Variants in GALNT17 observed in about 807,000 individuals in gnomAD.
GALNT17 encodes polypeptide N-acetylgalactosaminyltransferase 17.
In GALNT17, 29 loss-of-function variants were observed where a neutral mutation model predicts 63.7. The observed-to-expected ratio is 0.46, with a 90% CI of 0.34 to 0.62. The LOEUF (loss-of-function observed/expected upper bound fraction) is 0.62, where lower values mean the gene tolerates loss of function less well. GALNT17 is among the 20% of genes least tolerant of loss of function. The probability of loss-of-function intolerance (pLI) is 0.01; values close to 1 mark genes in which losing one functional copy is unlikely to be tolerated. For synonymous variants in GALNT17, 305 were observed against 318.3 expected (o/e 0.96, Z 0.45); for missense variants, 603 against 799.6 (o/e 0.75, Z 2.97).
intron 1 of GALNT17, among the ~76,000 whole-genome samples, chr7:71,150,722 G>A (rs867627528): frequency 1.8e-4 from 28 of 151,938 alleles, no homozygotes; most frequent in Admixed American, 8.5e-4. Context: ...ATGTTAGCCA[G>A]GATGGTCTCG....
intron 1 of GALNT17, among the ~76,000 whole-genome samples, chr7:71,152,725 C>T (rs1350937812): frequency 2.0e-5 from 3 of 152,028 alleles, no homozygotes; most frequent in Non-Finnish European, 2.9e-5. Flanking sequence ...CTCTGCCTCC[C>T]AGGTTCAAGT....
intron 1 of GALNT17, among the ~76,000 whole-genome samples, chr7:71,232,359 A>G (rs1243658211): frequency 6.6e-6 from 1 of 152,116 alleles, no homozygotes; most frequent in Non-Finnish European, 1.5e-5. Context: ...GGTCAGGGTC[A>G]GTGGGGGTGG....
intron 5 of GALNT17, among the ~76,000 whole-genome samples, chr7:71,484,797 A>ATTTTTTTTTTTTTTT (rs386410414): frequency 9.3e-6 from 1 of 107,364 alleles, no homozygotes; most frequent in East Asian, 2.8e-4. Context: ...CAGCATCAGG[A>ATTTTTTTTTTTTTTT]TTTTTTTTTT....
chr7:71,625,252 C>G (rs1212290579), intron 6 of GALNT17, among the ~76,000 whole-genome samples: 1 of 152,110 alleles, frequency 6.6e-6, no homozygotes, highest in East Asian at 1.9e-4. Context: ...TCAAGCAGTT[C>G]CCCTGACTCA....
At chr7:71,297,577 T>G (rs1445593680) in intron 1 of GALNT17, among the ~76,000 whole-genome samples, 1 of 148,262 alleles carries the variant, frequency 6.7e-6, no homozygotes, top group Non-Finnish European at 1.5e-5. Flanking sequence ...TGCAGTGAGC[T>G]GAGAGCATGG....
At chr7:71,138,199 A>G (rs1234539901) in intron 1 of GALNT17, among the ~76,000 whole-genome samples, 2 of 152,156 alleles carry the variant, frequency 1.3e-5, no homozygotes, top group East Asian at 1.9e-4. Context: ...TCAGCTGGGC[A>G]TGGTGGTGCA....
At chr7:71,455,675 C>T (rs1174315949) in intron 5 of GALNT17, among the ~76,000 whole-genome samples, 2 of 152,166 alleles carry the variant, frequency 1.3e-5, no homozygotes, top group African/African-American at 4.8e-5. Context: ...CTCTCATGCT[C>T]ATAGTCCACA....
intron 2 of GALNT17, among the ~76,000 whole-genome samples, chr7:71,352,624 T>G (rs900697618): frequency 1.7e-4 from 26 of 152,040 alleles, no homozygotes; most frequent in Admixed American, 7.9e-4. Flanking sequence ...GAGAGAGAGA[T>G]AGGGGTTGGG....
intron 5 of GALNT17, among the ~76,000 whole-genome samples, chr7:71,525,507 A>T (rs1456205845): frequency 6.6e-6 from 1 of 151,298 alleles, no homozygotes; most frequent in Non-Finnish European, 1.5e-5. Context: ...CACCCGGCCA[A>T]CTGTTCTTGT....
rs1273868432 is a variant in GALNT17, at chr7:71,416,005, G to A, written c.706G>A (p.Val236Met). ...LIRARIEGWK[V>M]ATGQVTGFFD... ...CCGCGCTCGCATTGAGGGCTGGAAG[G>A]TGGCTACCGGGCAGGTCACTGGCTT... Residue 236 changes from valine to methionine, a missense_variant, in exon 4 of 11, where the codon GTG becomes ATG. Val to Met is a conservative substitution (Grantham distance 21). Coordinates refer to ENST00000333538, the MANE Select transcript of GALNT17 (RefSeq NM_022479.3). 1 of 1,613,742 alleles carries A rather than the reference G, an allele frequency of 6.2e-7. No individual in the cohort carries two copies. Among genetic ancestry groups the A allele is most frequent in the Admixed American group, 1.7e-5 (1 of 59,964 alleles).
In GALNT17 at chr7:71,315,495, G is replaced by A. The variant is rs573458272; in HGVS notation, c.239-20055G>A. ...ACCATTTTACATTCCCATCAACAAT[G>A]TACAAGAGAGCACTTAAAATTGGAT... On this transcript the variant is annotated intron_variant, in intron 1 of 10. Coordinates refer to ENST00000333538, the MANE Select transcript of GALNT17 (RefSeq NM_022479.3). 3.3e-5 allele frequency among the ~76,000 whole-genome samples: 5 copies of A among 152,298 alleles called. No individual in the cohort carries two copies. The East Asian group carries it at 7.7e-4, about 24-fold the overall frequency.
chr7:71,432,158 G>C (rs1786878602), intron 5 of GALNT17, among the ~76,000 whole-genome samples: 1 of 151,922 alleles, frequency 6.6e-6, no homozygotes, highest in Non-Finnish European at 1.5e-5. Flanking sequence ...CTGGGCAACA[G>C]AGCAAGACTC....
chr7:71,228,772 A>G (rs1420591882), intron 1 of GALNT17, among the ~76,000 whole-genome samples: 1 of 152,184 alleles, frequency 6.6e-6, no homozygotes, highest in African/African-American at 2.4e-5. Flanking sequence ...CCCTTTGGAT[A>G]ATCCAGGCTA....
intron 1 of GALNT17, among the ~76,000 whole-genome samples, chr7:71,183,828 T>C (rs1197139269): frequency 2.6e-5 from 4 of 151,560 alleles, no homozygotes; most frequent in Non-Finnish European, 5.9e-5. Context: ...AGGCAGAGGT[T>C]GGAGTGAGCC....
intron 1 of GALNT17, among the ~76,000 whole-genome samples, chr7:71,330,369 T>C (rs1016919040): frequency 1.3e-5 from 2 of 151,976 alleles, no homozygotes; most frequent in African/African-American, 4.8e-5. Context: ...TTATTTTTTT[T>C]CCAGAGATAA....
At chr7:71,680,776 TTCTTTCTTTTC>T (rs1791247322) in intron 9 of GALNT17, among the ~76,000 whole-genome samples, 3 of 143,226 alleles carry the variant, frequency 2.1e-5, no homozygotes, top group Non-Finnish European at 3.0e-5. Flanking sequence ...TTCCCTTCCT[TTCTTTCTTTTC>T]CCTTCCTTCC....
chr7:71,254,306 G>A (rs1159722978), intron 1 of GALNT17, among the ~76,000 whole-genome samples: 2 of 152,056 alleles, frequency 1.3e-5, no homozygotes, highest in Non-Finnish European at 2.9e-5. Context: ...AGCTCTTATT[G>A]GACATAAAAG....
rs73181677 is a variant in GALNT17 at position 71,358,681 on chromosome 7, T to C, written c.422+22948T>C. 3.3e-5 allele frequency among the ~76,000 whole-genome samples: 5 copies of C among 152,328 alleles called. No homozygotes were observed. In the South Asian group the frequency reaches 1.0e-3, roughly 32 times the overall value. ...GTTCTTTTAACTGTATTTATTATTA[T>C]GTTGTAAAACGTGTTCAGAGATATG... is the stretch of plus-strand genomic sequence containing the variant. On this transcript the variant is annotated intron_variant, in intron 2 of 10. Coordinates refer to ENST00000333538, the MANE Select transcript of GALNT17 (RefSeq NM_022479.3).
intron 1 of GALNT17, among the ~76,000 whole-genome samples, chr7:71,308,007 T>C (rs1165949589): frequency 6.6e-6 from 1 of 151,806 alleles, no homozygotes; most frequent in African/African-American, 2.4e-5. Context: ...TTGAGCCTGA[T>C]TCAGGGGTCT....
Sources: allele counts gnomAD v4.1 joint callset (sites outside exome capture counted in the v4.1 genomes callset), GRCh38; gene constraint gnomAD v4.1.1; transcripts MANE v1.5; gene names NCBI Gene and HGNC (gene_info 2026-07-23, HGNC 2026-07-21).